Variants in KCNK12 observed in about 807,000 individuals in gnomAD.
KCNK12 encodes potassium channel subfamily K member 12.
In KCNK12, 6 loss-of-function variants were observed where a neutral mutation model predicts 25.3. The observed-to-expected ratio is 0.24, with a 90% CI of 0.13 to 0.47. The LOEUF (loss-of-function observed/expected upper bound fraction) is 0.47, where lower values mean the gene tolerates loss of function less well. Ranked by LOEUF, KCNK12 falls within the 20% of genes least tolerant of loss-of-function variation. KCNK12 has a pLI of 0.99. For missense variants in KCNK12, 444 were observed against 661.7 expected, an observed-to-expected ratio of 0.67 and a Z score of 3.61; for synonymous variants, 331 against 311.1, an observed-to-expected ratio of 1.06 and a Z score of -0.67.
intron 1 of KCNK12, among the ~76,000 whole-genome samples, chr2:47,550,936 G>C (rs776725447): frequency 1.3e-5 from 2 of 151,878 alleles, no homozygotes; most frequent in Middle Eastern, 3.4e-3. Flanking sequence ...AGTTTTTTTT[G>C]AACAGCAATG....
At chr2:47,544,153 G>A (rs1669261664) in intron 1 of KCNK12, among the ~76,000 whole-genome samples, 1 of 152,218 alleles carries the variant, frequency 6.6e-6, no homozygotes, top group Non-Finnish European at 1.5e-5. Flanking sequence ...CCTGACGTCA[G>A]ACACACAGAC....
rs1668466570 is a variant in KCNK12, at chr2:47,514,044, C to CGCTA, written c.*6859_*6862dup. Among the ~76,000 whole-genome samples the CGCTA allele has an allele frequency of 6.6e-6, 1 of 152,190 alleles. No homozygotes were observed. ...CTTTGCTTTGTTTTACAAGGCCCTT[C>CGCTA]GCTATCTGGCCCCCTCATTACCTCC... On this transcript the variant is annotated 3_prime_UTR_variant, in exon 2 of 2. Transcript: ENST00000327876. The surrounding 1 kb of genome is among the most constrained non-coding windows in gnomAD (Gnocchi z 5.0).
rs777692139 is a variant in KCNK12, at chr2:47,516,292, C to T, written c.*4615G>A. 3.3e-5 allele frequency among the ~76,000 whole-genome samples: 5 copies of T among 152,170 alleles called. No homozygotes were observed. Among genetic ancestry groups the T allele is most frequent in the South Asian group, 2.1e-4 (1 of 4,830 alleles). Reference sequence around the variant, plus strand: ...AAATCAGACTCCTGGGAGTACGGCCCGGGCCTCGGGATCCTTTAAAGCTCC... The same window carrying T: ...AAATCAGACTCCTGGGAGTACGGCCTGGGCCTCGGGATCCTTTAAAGCTCC... On this transcript the variant is annotated 3_prime_UTR_variant, in exon 2 of 2. Transcript: ENST00000327876.
intron 1 of KCNK12, among the ~76,000 whole-genome samples, chr2:47,549,506 C>G (rs1669380703): frequency 6.6e-6 from 1 of 152,010 alleles, no homozygotes; most frequent in Non-Finnish European, 1.5e-5. Context: ...CCAGAAATGC[C>G]AGAGATTATG....
In KCNK12 at chr2:47,569,895, G is replaced by T; in HGVS notation, c.391+46C>A. 7.7e-7 allele frequency: 1 copy of T among 1,299,860 alleles called. No individual in the cohort carries two copies. Among genetic ancestry groups the T allele is most frequent in the Non-Finnish European group, 9.8e-7 (1 of 1,015,298 alleles). The allele number at this position is 1,299,860 out of a possible 1,614,324, so 80.5% of individuals were successfully genotyped here. On this transcript the variant is annotated intron_variant, in intron 1 of 1. Coordinates refer to ENST00000327876, the MANE Select transcript of KCNK12 (RefSeq NM_022055.2). The surrounding 1 kb of genome is among the most constrained non-coding windows in gnomAD (Gnocchi z 4.1). ...GGCCGAGCAGTGGAAAGGGCGGCAG[G>T]TGAAAGGCACAGAGAGGAAAGATGC...
chr2:47,531,257 G>C (rs1466571601), intron 1 of KCNK12, among the ~76,000 whole-genome samples: 2 of 152,164 alleles, frequency 1.3e-5, no homozygotes, highest in Non-Finnish European at 2.9e-5. Flanking sequence ...TGGATCGCTT[G>C]AGCCCAGGAG....
At position 47,557,697 on chromosome 2, in the gene KCNK12, A is replaced by G. The variant is rs910481259; in HGVS notation, c.391+12244T>C. ...TTTCCGTATGTTAGGCATACAATCC[A>G]ATCTCTGCTTGACTGCACCAAGAGG... is the stretch of plus-strand genomic sequence containing the variant. On this transcript the variant is annotated intron_variant, in intron 1 of 1. Coordinates refer to ENST00000327876, the MANE Select transcript of KCNK12 (RefSeq NM_022055.2). This position sits in a 1 kb window ranked among gnomAD's most constrained non-coding sequence, Gnocchi z 4.9. Among the ~76,000 whole-genome samples, 2 of 152,152 alleles carry G rather than the reference A, an allele frequency of 1.3e-5. No homozygotes were observed. Among genetic ancestry groups the G allele is most frequent in the Non-Finnish European group, 2.9e-5 (2 of 68,022 alleles).
rs1437679483 is a variant in KCNK12, at chr2:47,518,785, G to T, written c.*2122C>A. 1 of 152,252 alleles carries T rather than the reference G, an allele frequency of 6.6e-6. No homozygotes were observed. Among genetic ancestry groups the T allele is most frequent in the African/African-American group, 2.4e-5 (1 of 41,456 alleles). 9.4% of individuals were successfully genotyped at this position (152,252 alleles called of 1,614,324 possible). On this transcript the variant is annotated 3_prime_UTR_variant, in exon 2 of 2. Coordinates refer to ENST00000327876, the MANE Select transcript of KCNK12 (RefSeq NM_022055.2). The surrounding 1 kb of genome is among the most constrained non-coding windows in gnomAD (Gnocchi z 4.1). ...ACTGTCTAGATGCCTCTATCATGGG[G>T]ATCTCTTCTTCCCTCTCTGGATGGC...
intron 1 of KCNK12, among the ~76,000 whole-genome samples, chr2:47,559,006 T>C (rs943321977): frequency 6.6e-6 from 1 of 152,196 alleles, no homozygotes; most frequent in African/African-American, 2.4e-5. Flanking sequence ...GGCTAAGAGA[T>C]GTGGCCAAGG....
In KCNK12 at chr2:47,541,648, G is replaced by A. The variant is rs151028390; in HGVS notation, c.392-19840C>T. Among the ~76,000 whole-genome samples, 373 of 152,196 alleles carry A rather than the reference G, an allele frequency of 2.5e-3. 2 individuals carry two copies. Among genetic ancestry groups the A allele is most frequent in the African/African-American group, 8.6e-3 (359 of 41,530 alleles). On this transcript the variant is annotated intron_variant, in intron 1 of 1. Transcript: ENST00000327876. ...TTAAAAAAGGGAATCAAGGTAAAAC[G>A]AGGCCATTAGGGTGAGCCCTAATCC...
In KCNK12 at chr2:47,528,924, C is replaced by T. The variant is rs1558550081; in HGVS notation, c.392-7116G>A. The T allele has an allele frequency of 1.3e-5, 2 of 152,442 alleles. No individual in the cohort carries two copies. The highest frequency in any genetic ancestry group is 1.5e-5 in the Non-Finnish European group (1 of 68,212). The allele number at this position is 152,442 out of a possible 1,614,324, so 9.4% of individuals were successfully genotyped here. A position where few individuals can be genotyped will look rare whatever the true frequency, so the allele number is the denominator to read the frequency against. Reference sequence around the variant, plus strand: ...TGACACACTCCTCCCATCCAGGCCCCCAGCCACCCTGTGAGGGAGGCACTA... The same window carrying T: ...TGACACACTCCTCCCATCCAGGCCCTCAGCCACCCTGTGAGGGAGGCACTA... On this transcript the variant is annotated intron_variant, in intron 1 of 1. Transcript: ENST00000327876. This position sits in a 1 kb window ranked among gnomAD's most constrained non-coding sequence, Gnocchi z 4.5.
In KCNK12 at chr2:47,570,019, C is replaced by T. The variant is rs748021435; in HGVS notation, c.313G>A (p.Val105Ile). Reference sequence around the variant, plus strand: ...CGCGGGCGCAGCGCGTCGGCGCGGACGCCGGCGGCCAGCGCGGCCTCGTAG... The same window carrying T: ...CGCGGGCGCAGCGCGTCGGCGCGGATGCCGGCGGCCAGCGCGGCCTCGTAG... The part of the protein sequence containing the change: ...RHYEAALAAG[V>I]RADALRPRWD... Residue 105 changes from valine to isoleucine, a missense_variant, in exon 1 of 2, where the codon GTC (valine) becomes ATC (isoleucine). Coordinates refer to ENST00000327876, the MANE Select transcript of KCNK12 (RefSeq NM_022055.2). 148 of 1,424,962 alleles carry T rather than the reference C, an allele frequency of 1.0e-4. No homozygotes were observed. The highest frequency in any genetic ancestry group is 7.7e-4 in the Middle Eastern group (3 of 3,886). The allele number at this position is 1,424,962 out of a possible 1,614,324, so 88.3% of individuals were successfully genotyped here.
At chr2:47,558,619 A>G (rs1298582122) in intron 1 of KCNK12, among the ~76,000 whole-genome samples, 1 of 152,204 alleles carries the variant, frequency 6.6e-6, no homozygotes, top group Non-Finnish European at 1.5e-5. Context: ...GCAGCTAAAC[A>G]GGCTCACACG....
intron 1 of KCNK12, among the ~76,000 whole-genome samples, chr2:47,568,316 A>C (rs1309244307): frequency 6.6e-6 from 1 of 152,032 alleles, no homozygotes; most frequent in African/African-American, 2.4e-5. Flanking sequence ...TAAAAAAAAA[A>C]AAACTCTAGT....
At chr2:47,561,219 C>T (rs573496261) in intron 1 of KCNK12, among the ~76,000 whole-genome samples, 3 of 152,312 alleles carry the variant, frequency 2.0e-5, no homozygotes, top group South Asian at 4.1e-4. Flanking sequence ...TTGTGGCTGC[C>T]CAGGGCTCTG....
Position 47,556,355 on chromosome 2 carries a change from T to C in KCNK12, c.391+13586A>G, listed in dbSNP as rs1203007333. Among the ~76,000 whole-genome samples, 11 of 152,096 alleles carry C rather than the reference T, an allele frequency of 7.2e-5. No homozygotes were observed. Among genetic ancestry groups the C allele is most frequent in the Non-Finnish European group, 1.6e-4 (11 of 68,030 alleles). On this transcript the variant is annotated intron_variant, in intron 1 of 1. Transcript: ENST00000327876. The surrounding 1 kb of genome is among the most constrained non-coding windows in gnomAD (Gnocchi z 4.8). ...CACATGGTGGGTGGATTTAGGGGTG[T>C]GAAGATTACTTCTGATTACTTTTAT... is the stretch of plus-strand genomic sequence containing the variant.
Position 47,528,038 on chromosome 2 carries a change from A to G in KCNK12, c.392-6230T>C, listed in dbSNP as rs1210627781. On this transcript the variant is annotated intron_variant, in intron 1 of 1. Coordinates refer to ENST00000327876, the MANE Select transcript of KCNK12 (RefSeq NM_022055.2). The surrounding 1 kb of genome is among the most constrained non-coding windows in gnomAD (Gnocchi z 4.5). ...CTCACCTCTGGGACAGGGCGCATAT[A>G]GTCTGGGCCAGAACTTGTCCTGGGG... Among the ~76,000 whole-genome samples the G allele has an allele frequency of 6.6e-6, 1 of 152,138 alleles. No individual in the cohort carries two copies. Among genetic ancestry groups the G allele is most frequent in the African/African-American group, 2.4e-5 (1 of 41,436 alleles).
chr2:47,566,921 AATC>A lies in KCNK12; in HGVS notation c.391+3017_391+3019del, dbSNP rs1669797025. 6.6e-6 allele frequency: 1 copy of A among 152,192 alleles called. No individual in the cohort carries two copies. The highest frequency in any genetic ancestry group is 2.4e-5 in the African/African-American group (1 of 41,454). 9.4% of individuals were successfully genotyped at this position (152,192 alleles called of 1,614,324 possible). A position where few individuals can be genotyped will look rare whatever the true frequency, so the allele number is the denominator to read the frequency against. On this transcript the variant is annotated intron_variant, in intron 1 of 1. Transcript: ENST00000327876. The surrounding 1 kb of genome is among the most constrained non-coding windows in gnomAD (Gnocchi z 4.1). ...ACCAAAAAGGTCCCCTTCTTGTTCTAATCATCTTCAGTGAGGATGGCCAAGATA... is the reference window on the plus strand; with the variant it reads ...ACCAAAAAGGTCCCCTTCTTGTTCTAATCTTCAGTGAGGATGGCCAAGATA...
intron 1 of KCNK12, among the ~76,000 whole-genome samples, chr2:47,537,503 A>G (rs1286863117): frequency 6.6e-6 from 1 of 151,622 alleles, no homozygotes; most frequent in African/African-American, 2.4e-5. Context: ...GCTAATTTTT[A>G]TATTTTTAAT....
Sources: gnomAD v4.1 joint callset for allele counts (sites outside exome capture counted in the v4.1 genomes callset) on GRCh38, gnomAD v4.1.1 for gene constraint, Gnocchi (gnomAD v3.1) non-coding constraint, MANE v1.5 for transcripts, NCBI Gene and HGNC (gene_info 2026-07-23, HGNC 2026-07-21) for gene names.